Variants in RPS6KC1 observed in about 807,000 individuals in gnomAD.
RPS6KC1 encodes the protein ribosomal protein S6 kinase C1.
A neutral mutation model predicts 103.8 loss-of-function variants in RPS6KC1; 54 were observed. That is an observed-to-expected ratio of 0.52 (90% CI 0.42 to 0.65). The LOEUF is 0.65. Ranked by LOEUF, RPS6KC1 falls within the 30% of genes least tolerant of loss-of-function variation. The probability of loss-of-function intolerance (pLI) is 0.00; values close to 1 mark genes in which losing one functional copy is unlikely to be tolerated. For synonymous variants in RPS6KC1, 439 were observed against 438.7 expected (o/e 1.00, Z -0.01); for missense variants, 1,151 against 1,253.8 (o/e 0.92, Z 1.24).
chr1:213,072,062 T>C (rs1188588502), intron 2 of RPS6KC1, among the ~76,000 whole-genome samples: 1 of 152,180 alleles, frequency 6.6e-6, no homozygotes, highest in Non-Finnish European at 1.5e-5. Flanking sequence ...GAAGGACATA[T>C]ATCAGGATTT....
chr1:213,115,683 G>C (rs1558347385), intron 4 of RPS6KC1, among the ~76,000 whole-genome samples: 1 of 151,714 alleles, frequency 6.6e-6, no homozygotes, highest in Non-Finnish European at 1.5e-5. Context: ...TTTCTCTTGT[G>C]GGCATTTAGT....
chr1:213,845,317 A>G, the RPS6KC1 span, among the ~76,000 whole-genome samples: 2 of 152,166 alleles, frequency 1.3e-5, no homozygotes, highest in Admixed American at 1.3e-4. Context: ...TGTGAGGGCA[A>G]ACCAAAGAAC....
chr1:213,124,713 G>T (rs1460050067), intron 5 of RPS6KC1, among the ~76,000 whole-genome samples: 1 of 152,112 alleles, frequency 6.6e-6, no homozygotes, highest in Non-Finnish European at 1.5e-5. Context: ...GCTGGCCGGA[G>T]AATACGTCAT....
the RPS6KC1 span, among the ~76,000 whole-genome samples, chr1:213,695,218 A>G: frequency 1.3e-5 from 2 of 152,256 alleles, no homozygotes; most frequent in Admixed American, 1.3e-4. Context: ...GAATTATTAC[A>G]GTGAAAAAGG....
At chr1:213,377,096 A>C in the RPS6KC1 span, among the ~76,000 whole-genome samples, 2 of 152,224 alleles carry the variant, frequency 1.3e-5, no homozygotes, top group Non-Finnish European at 2.9e-5. Flanking sequence ...GGTTTGCAAC[A>C]TCCTGTGACT....
At chr1:213,583,523 A>T in the RPS6KC1 span, among the ~76,000 whole-genome samples, 2 of 152,168 alleles carry the variant, frequency 1.3e-5, no homozygotes, top group Non-Finnish European at 2.9e-5. Flanking sequence ...ACAGCTTGTT[A>T]AAAATACAGA....
At chr1:213,055,948 A>G (rs1183936969) in intron 1 of RPS6KC1, among the ~76,000 whole-genome samples, 2 of 152,170 alleles carry the variant, frequency 1.3e-5, no homozygotes, top group Non-Finnish European at 2.9e-5. Flanking sequence ...TGCATCACCC[A>G]GGCTCGAGTG....
chr1:213,094,098 C>T (rs2081239367), intron 3 of RPS6KC1, among the ~76,000 whole-genome samples: 1 of 150,260 alleles, frequency 6.7e-6, no homozygotes, highest in South Asian at 2.1e-4. Context: ...CCCCCCCCAC[C>T]AAGAGAATAG....
At chr1:213,641,446 T>A in the RPS6KC1 span, among the ~76,000 whole-genome samples, 1 of 152,122 alleles carries the variant, frequency 6.6e-6, no homozygotes, top group African/African-American at 2.4e-5. Flanking sequence ...AGACCCGAAG[T>A]TTCGATCTGC....
the RPS6KC1 span, among the ~76,000 whole-genome samples, chr1:213,800,665 C>A: frequency 6.6e-6 from 1 of 152,158 alleles, no homozygotes; most frequent in Non-Finnish European, 1.5e-5. Flanking sequence ...AATAGAAGAT[C>A]CACGAGTCTA....
chr1:213,663,577 A>C, the RPS6KC1 span, among the ~76,000 whole-genome samples: 1 of 152,256 alleles, frequency 6.6e-6, no homozygotes, highest in Non-Finnish European at 1.5e-5. Flanking sequence ...CAAAATGAAT[A>C]TGAAGCATCC....
the RPS6KC1 span, among the ~76,000 whole-genome samples, chr1:213,582,538 A>T: frequency 6.6e-6 from 1 of 152,216 alleles, no homozygotes; most frequent in African/African-American, 2.4e-5. Flanking sequence ...TGATATAAAC[A>T]TTTTAAGTAT....
At chr1:213,465,842 C>T in the RPS6KC1 span, among the ~76,000 whole-genome samples, 1 of 152,114 alleles carries the variant, frequency 6.6e-6, no homozygotes, top group Non-Finnish European at 1.5e-5. Context: ...AGGCCCCTTC[C>T]ACTCTGACAG....
the RPS6KC1 span, among the ~76,000 whole-genome samples, chr1:213,302,395 C>G: frequency 6.6e-6 from 1 of 152,190 alleles, no homozygotes; most frequent in South Asian, 2.1e-4. Flanking sequence ...GGTGTGGTGA[C>G]TCACACCCAT....
chr1:213,165,031 CA>C (rs2090828157), intron 6 of RPS6KC1, among the ~76,000 whole-genome samples: 1 of 151,668 alleles, frequency 6.6e-6, no homozygotes, highest in Non-Finnish European at 1.5e-5. Context: ...TGTTTAAAGT[CA>C]CATTTGTCAA....
chr1:213,602,138 CTT>C, the RPS6KC1 span, among the ~76,000 whole-genome samples: 5 of 59,800 alleles, frequency 8.4e-5, no homozygotes, highest in Non-Finnish European at 1.6e-4. Flanking sequence ...TTCTTTCTTT[CTT>C]TCTTTCTTTC....
the RPS6KC1 span, among the ~76,000 whole-genome samples, chr1:213,593,803 C>T: frequency 3.8e-4 from 58 of 152,212 alleles, no homozygotes; most frequent in African/African-American, 1.4e-3. Flanking sequence ...GATACAATGG[C>T]TATTGGGCTA....
the RPS6KC1 span, chr1:213,817,796 G>T: frequency 1.4e-5 from 2 of 147,356 alleles, no homozygotes; most frequent in African/African-American, 4.9e-5. Flanking sequence ...AGATATTACA[G>T]TTTTTTTTTT....
At chr1:213,061,508 A>G (rs2148355690) in intron 1 of RPS6KC1, among the ~76,000 whole-genome samples, 1 of 151,932 alleles carries the variant, frequency 6.6e-6, no homozygotes, top group South Asian at 2.1e-4. Context: ...GCAGGTGGTC[A>G]TGAAAGGGAG....
Sources: gnomAD v4.1 joint callset for allele counts (sites outside exome capture counted in the v4.1 genomes callset) on GRCh38, gnomAD v4.1.1 for gene constraint, MANE v1.5 for transcripts, NCBI Gene and HGNC (gene_info 2026-07-23, HGNC 2026-07-21) for gene names.